ERF: variants seen among roughly 807,000 people sequenced by gnomAD.
ERF encodes ETS2 repressor factor, also known as ETS domain-containing transcription factor ERF.
Under a neutral mutation model 41.6 loss-of-function variants are expected in ERF, and 10 were observed. The observed-to-expected ratio is 0.24, with a 90% CI of 0.15 to 0.41. ERF has a LOEUF of 0.41. ERF is among the 10% of genes least tolerant of loss of function. ERF has a pLI of 1.00. For synonymous variants in ERF, 395 were observed against 342.4 expected, an observed-to-expected ratio of 1.15 and a Z score of -1.70; for missense variants, 621 against 763.2, an observed-to-expected ratio of 0.81 and a Z score of 2.19.
chr19:42,251,229 C>A (rs2036440282), intron 1 of ERF: 1 of 985,242 alleles, frequency 1.0e-6, no homozygotes, highest in African/African-American at 1.7e-5. Flanking sequence ...AGCTACACTG[C>A]CCTCCCCAGA....
chr19:42,253,345 G>C (rs1212421208), intron 1 of ERF, among the ~76,000 whole-genome samples: 1 of 152,158 alleles, frequency 6.6e-6, no homozygotes. Context: ...GGAGGGGTGC[G>C]GAGCGGCAGG....
Position 42,248,920 on chromosome 19 carries a change from C to G in ERF, c.1192G>C (p.Gly398Arg), listed in dbSNP as rs111793182. 1 of 1,606,940 alleles carries G rather than the reference C, an allele frequency of 6.2e-7. No homozygotes were observed. Among genetic ancestry groups the G allele is most frequent in the South Asian group, 1.1e-5 (1 of 91,048 alleles). Residue 398 changes from glycine (G) to arginine (R), a missense_variant, in exon 4 of 4, where the codon GGT becomes CGT. Transcript: ENST00000222329. The surrounding 1 kb of genome is among the most constrained non-coding windows in gnomAD (Gnocchi z 4.2). ...QRAAGEKAVAGADKSGGSAGG... is the reference protein window; with the variant it reads ...QRAAGEKAVARADKSGGSAGG... ...GCACTGCCACCGCTCTTGTCAGCAC[C>G]GGCTACGGCCTTCTCCCCAGCTGCC...
chr19:42,253,423 C>T (rs1337698734), intron 1 of ERF, among the ~76,000 whole-genome samples: 6 of 152,164 alleles, frequency 3.9e-5, no homozygotes, highest in Non-Finnish European at 8.8e-5. Context: ...TCCCCTCCCC[C>T]AGCCGGAAAA....
chr19:42,250,159 T>A lies in ERF; in HGVS notation c.257+172A>T. The stretch of plus-strand genomic sequence containing the variant: ...TGGTGACTGTAATCTCTCCTCAGGA[T>A]ACGTCTGTGTTACCAAGGGGCTCAG... On this transcript the variant is annotated intron_variant, in intron 2 of 3. Transcript: ENST00000222329. This position sits in a 1 kb window ranked among gnomAD's most constrained non-coding sequence, Gnocchi z 5.1. 1.3e-6 allele frequency: 1 copy of A among 780,626 alleles called. No individual in the cohort carries two copies. Among genetic ancestry groups the A allele is most frequent in the Non-Finnish European group, 2.1e-6 (1 of 486,466 alleles). The allele number at this position is 780,626 out of a possible 1,614,324, so 48.4% of individuals were successfully genotyped here. A position where few individuals can be genotyped will look rare whatever the true frequency, so the allele number is the denominator to read the frequency against.
Position 42,248,852 on chromosome 19 carries a change from G to T in ERF, c.1260C>A (p.Pro420=). The change falls in exon 4 of 4, where the codon CCC becomes CCA. Residue 420 remains proline, a synonymous_variant. Coordinates refer to ENST00000222329, the MANE Select transcript of ERF (RefSeq NM_006494.4). The surrounding 1 kb of genome is among the most constrained non-coding windows in gnomAD (Gnocchi z 4.2). ...GCTCCACCTTGATCTGTGGTGGCGG[G>T]GGCGGTGGGGCTAGCGCCCCTGCCC... is the stretch of plus-strand genomic sequence containing the variant. ...AEGAGALAPP[P]PPPQIKVEPI... 6.2e-7 allele frequency: 1 copy of T among 1,610,470 alleles called. No homozygotes were observed. The highest frequency in any genetic ancestry group is 1.1e-5 in the South Asian group (1 of 90,992).
At chr19:42,252,226 G>C (rs1279220905) in intron 1 of ERF, among the ~76,000 whole-genome samples, 1 of 152,162 alleles carries the variant, frequency 6.6e-6, no homozygotes, top group Non-Finnish European at 1.5e-5. Flanking sequence ...CCCCTCTCAG[G>C]GAACCAAGCT....
chr19:42,254,890 C>A, intron 1 of ERF, 88 bp downstream of exon 1: 1 of 1,413,024 alleles, frequency 7.1e-7, no homozygotes, highest in Non-Finnish European at 9.4e-7. Flanking sequence ...ACTCGGGCTC[C>A]CCCGGACCCC....
At chr19:42,252,287 G>A (rs1398244669) in intron 1 of ERF, among the ~76,000 whole-genome samples, 8 of 152,098 alleles carry the variant, frequency 5.3e-5, no homozygotes, top group Admixed American at 5.2e-4. Flanking sequence ...TAGAAGGGGG[G>A]CCAAAGCCCC....
intron 1 of ERF, among the ~76,000 whole-genome samples, chr19:42,253,501 G>A (rs1376398482): frequency 6.6e-6 from 1 of 152,124 alleles, no homozygotes; most frequent in African/African-American, 2.4e-5. Flanking sequence ...GGCCAAGGCC[G>A]GTAGCAGGGA....
chr19:42,253,657 C>G (rs1193681502), intron 1 of ERF, among the ~76,000 whole-genome samples: 5 of 151,942 alleles, frequency 3.3e-5, no homozygotes, highest in East Asian at 1.9e-4. Flanking sequence ...TACCGCACTC[C>G]GCACCCCGGC....
intron 1 of ERF, among the ~76,000 whole-genome samples, chr19:42,254,233 G>A (rs2036497010): frequency 1.3e-5 from 2 of 151,424 alleles, no homozygotes; most frequent in South Asian, 4.2e-4. Flanking sequence ...GGGGGGCGAG[G>A]GGGGAGCCTC....
At chr19:42,253,765 C>A (rs1433631122) in intron 1 of ERF, 37 of 652,586 alleles carry the variant, frequency 5.7e-5, no homozygotes, top group Non-Finnish European at 6.8e-5. Context: ...ACCCGCCGAG[C>A]AGGGGGATGG....
At chr19:42,253,947 C>T in intron 1 of ERF, 1 of 1,026,792 alleles carries the variant, frequency 9.7e-7, no homozygotes, top group Non-Finnish European at 1.2e-6. Context: ...CCCGTCCCCG[C>T]CCCGGGCCGG....
In ERF at chr19:42,250,661, T is replaced by C; in HGVS notation, c.23-96A>G. 1 of 1,180,212 alleles carries C rather than the reference T, an allele frequency of 8.5e-7. No homozygotes were observed. Among genetic ancestry groups the C allele is most frequent in the Non-Finnish European group, 1.2e-6 (1 of 835,550 alleles). The allele number at this position is 1,180,212 out of a possible 1,614,324, so 73.1% of individuals were successfully genotyped here. ...GTCCACCTCTGCCCTGCCTTCAACA[T>C]GGGGAAATCTGTCTCACCTCAGCCA... is the stretch of plus-strand genomic sequence containing the variant. On this transcript the variant is annotated intron_variant, in intron 1 of 3. Coordinates refer to ENST00000222329, the MANE Select transcript of ERF (RefSeq NM_006494.4). This position sits in a 1 kb window ranked among gnomAD's most constrained non-coding sequence, Gnocchi z 5.1.
In ERF at chr19:42,249,107, A is replaced by C. The variant is rs2036391915; in HGVS notation, c.1005T>G (p.Pro335=). 3 of 1,613,620 alleles carry C rather than the reference A, an allele frequency of 1.9e-6. No individual in the cohort carries two copies. The highest frequency in any genetic ancestry group is 2.5e-6 in the Non-Finnish European group (3 of 1,179,866). Residue 335 remains proline, a synonymous_variant, in exon 4 of 4, where the codon CCT becomes CCG. Coordinates refer to ENST00000222329, the MANE Select transcript of ERF (RefSeq NM_006494.4). This position sits in a 1 kb window ranked among gnomAD's most constrained non-coding sequence, Gnocchi z 8.6. ...HLSPRAFLHY[P]GLVVPQPQRP... is the part of the protein sequence containing the mutation. ...GCTGGGGCTGGGGCACCACCAGCCC[A>C]GGGTAGTGCAGGAAGGCGCGGGGGC...
chr19:42,250,441 C>T lies in ERF; in HGVS notation c.147G>A (p.Gln49=). The T allele has an allele frequency of 5.0e-6, 8 of 1,613,648 alleles. No individual in the cohort carries two copies. The highest frequency in any genetic ancestry group is 6.8e-6 in the Non-Finnish European group (8 of 1,180,032). Residue 49 remains glutamine, a synonymous_variant, in exon 2 of 4, where the codon CAG becomes CAA. Transcript: ENST00000222329. The surrounding 1 kb of genome is among the most constrained non-coding windows in gnomAD (Gnocchi z 5.1). ...TGATGACGAATTCCCCGTAGTCCCC[C>T]TGCCAGGCAATGACGCCCTGGTACT... The part of the protein sequence containing the change: ...KEEYQGVIAW[Q]GDYGEFVIKD...
At chr19:42,253,887 G>T in intron 1 of ERF, 1 of 1,083,108 alleles carries the variant, frequency 9.2e-7, no homozygotes, top group Non-Finnish European at 1.1e-6. Context: ...CGCCGCCGCC[G>T]GGGGAAGGAA....
At position 42,249,018 on chromosome 19, in the gene ERF, G is replaced by A. The variant is rs753965187; in HGVS notation, c.1094C>T (p.Ser365Leu). The A allele has an allele frequency of 9.9e-6, 16 of 1,610,540 alleles. No individual in the cohort carries two copies. The highest frequency in any genetic ancestry group is 1.3e-5 in the Non-Finnish European group (15 of 1,178,574). ...GGAGGAAGAAGAAGAAGAGGATGAC[G>A]AGGCCGAGGAGGGGACCGGTGGGGT... is the stretch of plus-strand genomic sequence containing the variant. ...PETPPVPSSA[S>L]SSSSSSSSPF... The change falls in exon 4 of 4, where the codon TCG becomes TTG. Residue 365 changes from serine (S) to leucine (L), a missense_variant. This residue lies in a region of ERF where 569 missense variants were observed against 625.5 expected (regional missense o/e 0.91). Transcript: ENST00000222329. This position sits in a 1 kb window ranked among gnomAD's most constrained non-coding sequence, Gnocchi z 8.6.
rs757215993 is a variant in ERF at position 42,248,755 on chromosome 19, C to T, written c.1357G>A (p.Val453Met). Reference protein sequence around the residue: ...ISDEDEEDGEVFKTPRAPPAP... With the variant: ...ISDEDEEDGEMFKTPRAPPAP... ...GGTGGGGCACGGGGCGTCTTGAACACCTCCCCGTCTTCCTCATCCTCATCA... is the reference window on the plus strand; with the variant it reads ...GGTGGGGCACGGGGCGTCTTGAACATCTCCCCGTCTTCCTCATCCTCATCA... The change falls in exon 4 of 4, where the codon GTG becomes ATG. Residue 453 changes from valine (V) to methionine (M), a missense_variant. Around this residue, in one of 3 missense-constraint regions of ERF, gnomAD observed 569 missense variants for 625.5 expected, o/e 0.91. Coordinates refer to ENST00000222329, the MANE Select transcript of ERF (RefSeq NM_006494.4). This position sits in a 1 kb window ranked among gnomAD's most constrained non-coding sequence, Gnocchi z 4.2. 3.7e-6 allele frequency: 6 copies of T among 1,613,586 alleles called. No homozygotes were observed. The highest frequency in any genetic ancestry group is 5.1e-6 in the Non-Finnish European group (6 of 1,179,962).
Sources: gnomAD v4.1 joint callset for allele counts (sites outside exome capture counted in the v4.1 genomes callset) on GRCh38, gnomAD v4.1.1 for gene constraint, gnomAD v4.1.1 regional missense constraint, Gnocchi (gnomAD v3.1) non-coding constraint, MANE v1.5 for transcripts, NCBI Gene and HGNC (gene_info 2026-07-23, HGNC 2026-07-21) for gene names.